GREB1: variants seen among roughly 807,000 people sequenced by gnomAD.
GREB1 encodes the protein growth regulating estrogen receptor binding 1, also known as protein GREB1.
In GREB1, 106 loss-of-function variants were observed where a neutral mutation model predicts 200.7. The observed-to-expected ratio is 0.53, with a 90% CI of 0.45 to 0.62. The LOEUF is 0.62. GREB1 is among the 20% of genes least tolerant of loss of function. The pLI is 0.00. For missense variants in GREB1, 2,243 were observed against 2,556.8 expected, an observed-to-expected ratio of 0.88 and a Z score of 2.65; for synonymous variants, 1,132 against 1,092.4, an observed-to-expected ratio of 1.04 and a Z score of -0.72.
chr2:11,576,261 C>A, intron 4 of GREB1, 92 bp from the exon 5 acceptor site: 1 of 1,008,332 alleles, frequency 9.9e-7, no homozygotes, highest in Non-Finnish European at 1.5e-6. Context: ...GAGCCGAGAT[C>A]GCACCATTGC....
intron 28 of GREB1, 34 bp from the exon 29 acceptor site, chr2:11,634,097 C>A: frequency 6.3e-7 from 1 of 1,594,476 alleles, no homozygotes; most frequent in South Asian, 1.1e-5. Context: ...GCTCGTGTGT[C>A]AGCCTAGGGA....
chr2:11,545,178 C>T (rs1000176786), intron 1 of GREB1, among the ~76,000 whole-genome samples: 4 of 151,872 alleles, frequency 2.6e-5, no homozygotes, highest in African/African-American at 4.8e-5. Context: ...AAATGTGTCC[C>T]GGGCTGGAGG....
chr2:11,516,970 G>A (rs1394738441), intron 1 of GREB1, among the ~76,000 whole-genome samples: 2 of 152,238 alleles, frequency 1.3e-5, no homozygotes, highest in East Asian at 3.9e-4. Flanking sequence ...CAGGAGCAGA[G>A]CAGGGGATTA....
At chr2:11,522,473 C>A (rs142106752) in intron 1 of GREB1, among the ~76,000 whole-genome samples, 1 of 152,108 alleles carries the variant, frequency 6.6e-6, no homozygotes, top group Non-Finnish European at 1.5e-5. Flanking sequence ...TCACAACTGT[C>A]GCCTGAATAC....
chr2:11,515,510 C>G (rs1194724980), intron 1 of GREB1, among the ~76,000 whole-genome samples: 1 of 152,114 alleles, frequency 6.6e-6, no homozygotes, highest in Non-Finnish European at 1.5e-5. Flanking sequence ...GTGTTTCTGC[C>G]CCTCCGAGGT....
chr2:11,523,709 G>A (rs1265196892), intron 1 of GREB1, among the ~76,000 whole-genome samples: 2 of 152,140 alleles, frequency 1.3e-5, no homozygotes. Context: ...AACAACCCTG[G>A]TTTTCAGTCT....
chr2:11,615,012 C>T, intron 19 of GREB1, 79 bp from the exon 20 acceptor site: 2 of 1,085,836 alleles, frequency 1.8e-6, no homozygotes, highest in East Asian at 2.4e-5. Flanking sequence ...TGGTCCCGAT[C>T]AGTGCTGCCT....
rs150172543 is a variant in GREB1, at chr2:11,564,846, G to A, written c.278-1634G>A. Among the ~76,000 whole-genome samples the A allele has an allele frequency of 2.6e-4, 39 of 152,358 alleles. No individual in the cohort carries two copies. The East Asian group carries it at 7.3e-3, about 29-fold the overall frequency. Reference sequence around the variant, plus strand: ...GTTTCCTAGACCCACAGTTCCACGTGGCTGGGGAGGCCTGACAATCATGGT... The same window carrying A: ...GTTTCCTAGACCCACAGTTCCACGTAGCTGGGGAGGCCTGACAATCATGGT... On this transcript the variant is annotated intron_variant, in intron 3 of 32. Transcript: ENST00000381486.
intron 30 of GREB1, among the ~76,000 whole-genome samples, chr2:11,636,698 A>T (rs13013207): frequency 1.3e-5 from 2 of 151,048 alleles, no homozygotes; most frequent in Non-Finnish European, 3.0e-5. Flanking sequence ...GGAGGAAGAG[A>T]GTGAGCCACG....
chr2:11,587,142 G>A (rs1311880004), intron 9 of GREB1, among the ~76,000 whole-genome samples: 1 of 152,116 alleles, frequency 6.6e-6, no homozygotes, highest in African/African-American at 2.4e-5. Flanking sequence ...TCCCTCCGCT[G>A]CCTCTCTGTT....
chr2:11,619,049 C>G (rs1683778305), intron 22 of GREB1, 130 bp downstream of exon 22: 1 of 951,980 alleles, frequency 1.1e-6, no homozygotes, highest in African/African-American at 1.6e-5. Context: ...GGAATCTTCT[C>G]CAATGGCCTG....
At chr2:11,627,184 C>A in intron 25 of GREB1, 80 bp downstream of exon 25, 1 of 1,313,174 alleles carries the variant, frequency 7.6e-7, no homozygotes, top group East Asian at 2.6e-5. Flanking sequence ...GCTTTCATTC[C>A]AGAGTGGGAG....
intron 23 of GREB1, 73 bp from the exon 24 acceptor site, chr2:11,625,081 G>A: frequency 1.6e-6 from 2 of 1,216,004 alleles, no homozygotes; most frequent in Non-Finnish European, 1.2e-6. Flanking sequence ...ATTCTGTGTT[G>A]TTTAGCGACA....
At chr2:11,557,013 T>C (rs1273511655) in intron 2 of GREB1, among the ~76,000 whole-genome samples, 5 of 152,248 alleles carry the variant, frequency 3.3e-5, no homozygotes, top group Non-Finnish European at 7.3e-5. Flanking sequence ...AGAGGACAAA[T>C]TGTTCTCAAT....
intron 15 of GREB1, among the ~76,000 whole-genome samples, chr2:11,599,799 C>T (rs557175421): frequency 2.0e-5 from 3 of 152,322 alleles, no homozygotes; most frequent in South Asian, 2.1e-4. Flanking sequence ...GGATTACAGG[C>T]GTGAGCCACC....
rs767415665 is a variant in GREB1 at position 11,612,619 on chromosome 2, A to G, written c.3122+9A>G. ...GGGGAGTCCTTGCCGAGGTGAGTGG[A>G]GGGGTTATGCCCCTGGGGGTCTCTG... On this transcript the variant is annotated intron_variant, in intron 19 of 32. Coordinates refer to ENST00000381486, the MANE Select transcript of GREB1 (RefSeq NM_014668.4). 7 of 1,571,256 alleles carry G rather than the reference A, an allele frequency of 4.5e-6. No homozygotes were observed. In the East Asian group the frequency reaches 1.6e-4, roughly 35 times the overall value.
At chr2:11,608,119 C>G (rs971210411) in intron 17 of GREB1, among the ~76,000 whole-genome samples, 8 of 152,166 alleles carry the variant, frequency 5.3e-5, no homozygotes, top group Non-Finnish European at 8.8e-5. Flanking sequence ...GTTTCCATAC[C>G]TGAACCACTC....
chr2:11,634,483 T>G (rs1685147455), intron 29 of GREB1, 134 bp downstream of exon 29: 1 of 642,860 alleles, frequency 1.6e-6, no homozygotes, highest in Non-Finnish European at 2.7e-6. Context: ...GTCCCAGTTT[T>G]TTTAGTGCTG....
intron 1 of GREB1, among the ~76,000 whole-genome samples, chr2:11,554,605 A>T (rs1292007517): frequency 1.3e-5 from 2 of 152,248 alleles, no homozygotes; most frequent in African/African-American, 4.8e-5. Context: ...TGAAGGCAGG[A>T]AACTGCTATT....
Sources: gnomAD v4.1 joint callset for allele counts (sites outside exome capture counted in the v4.1 genomes callset) on GRCh38, gnomAD v4.1.1 for gene constraint, MANE v1.5 for transcripts, NCBI Gene and HGNC (gene_info 2026-07-23, HGNC 2026-07-21) for gene names.